DUSP15: variants seen among roughly 807,000 people sequenced by gnomAD.
DUSP15 encodes dual specificity phosphatase 15, also known as dual specificity protein phosphatase 15.
Under a neutral mutation model 26.3 loss-of-function variants are expected in DUSP15, and 23 were observed. The ratio of observed to expected loss-of-function variants is 0.87; its 90% CI spans 0.63 to 1.24. The LOEUF (loss-of-function observed/expected upper bound fraction) is 1.24. DUSP15 is among the 50% of genes most tolerant of loss of function. The pLI, the probability that DUSP15 is intolerant of heterozygous loss-of-function variation, is 0.00. For missense variants in DUSP15, 364 were observed against 320.6 expected (o/e 1.14, Z -1.03); for synonymous variants, 143 against 135.5 (o/e 1.06, Z -0.39).
rs113505727 is a variant in DUSP15 at position 31,861,380 on chromosome 20, G to A, written c.*23C>T. 17,502 of 1,519,934 alleles carry A rather than the reference G, an allele frequency of 0.012. 128 individuals carry two copies. Among genetic ancestry groups the A allele is most frequent in the Middle Eastern group, 0.037 (210 of 5,718 alleles). The allele number at this position is 1,519,934 out of a possible 1,614,324, so 94.2% of individuals were successfully genotyped here. A position where few individuals can be genotyped will look rare whatever the true frequency, so the allele number is the denominator to read the frequency against. ...CCCGAAGGGAGCCAGTCGGAAGTGG[G>A]GAGCCACGGCTGGACTGCATCCTCA... On this transcript the variant is annotated 3_prime_UTR_variant, in exon 7 of 7. Transcript: ENST00000339738.
downstream of DUSP15, among the ~76,000 whole-genome samples, chr20:31,846,175 C>G (rs28488224): frequency 7.0e-5 from 9 of 129,092 alleles, no homozygotes; most frequent in African/African-American, 2.7e-4. Flanking sequence ...AGCACACACA[C>G]ACATATACAC....
downstream of DUSP15, among the ~76,000 whole-genome samples, chr20:31,857,638 A>T (rs1263930700): frequency 5.9e-5 from 9 of 152,062 alleles, no homozygotes; most frequent in Non-Finnish European, 1.3e-4. Context: ...CTTTATCTCC[A>T]TTAGACCTTT....
At chr20:31,845,871 G>A (rs1404153903), downstream of DUSP15, among the ~76,000 whole-genome samples, 2 of 152,090 alleles carry the variant, frequency 1.3e-5, no homozygotes, top group East Asian at 1.9e-4. Flanking sequence ...GAAACTGAGC[G>A]GGACAGAGAC....
chr20:31,852,174 A>AT (rs1356676289), intron 6 of DUSP15, among the ~76,000 whole-genome samples: 1 of 151,834 alleles, frequency 6.6e-6, no homozygotes, highest in Non-Finnish European at 1.5e-5. Context: ...CTCCTGGCTA[A>AT]TTTTTTGTAT....
chr20:31,868,566 G>A (rs796585423), intron 2 of DUSP15, among the ~76,000 whole-genome samples: 3 of 131,586 alleles, frequency 2.3e-5, no homozygotes, highest in African/African-American at 5.7e-5. Flanking sequence ...TGCAACCCCC[G>A]CCTCCCGGGT....
chr20:31,846,121 CACACAG>C (rs1466240281), downstream of DUSP15, among the ~76,000 whole-genome samples: 573 of 128,418 alleles, frequency 4.5e-3, 6 homozygotes, highest in African/African-American at 0.017. Context: ...CACACAGAGA[CACACAG>C]ACACAGACAC....
chr20:31,846,741 G>A (rs916246804), downstream of DUSP15, among the ~76,000 whole-genome samples: 3 of 152,142 alleles, frequency 2.0e-5, no homozygotes, highest in South Asian at 6.2e-4. Context: ...CCTAGTGACT[G>A]GTGTGGGAAG....
At chr20:31,848,101 T>C (rs1172747049) in exon 10 of DUSP15, 2 of 383,452 alleles carry the variant, frequency 5.2e-6, no homozygotes, top group Non-Finnish European at 9.3e-6. Context: ...AGGCTGGCTC[T>C]GAGGAAAGCG....
intron 8 of DUSP15, among the ~76,000 whole-genome samples, chr20:31,849,083 A>G (rs1408795899): frequency 6.6e-6 from 1 of 151,886 alleles, no homozygotes; most frequent in African/African-American, 2.4e-5. Flanking sequence ...CATGTCCCAC[A>G]TCTGTGCCCA....
At position 31,861,420 on chromosome 20, in the gene DUSP15, G is replaced by A; in HGVS notation, c.691C>T (p.Arg231Cys). ...TFSCLPRCLSRKGGK is the reference protein window; with the variant it reads ...TFSCLPRCLSCKGGK ...CTGCATCCTCACTTGCCGCCCTTGC[G>A]GGACAGACACCGGGGGAGGCAAGAG... The change falls in exon 7 of 7, where the codon CGC becomes TGC. Residue 231 changes from arginine (R) to cysteine (C), a missense_variant. Transcript: ENST00000339738. 1.3e-6 allele frequency: 2 copies of A among 1,561,394 alleles called. No individual in the cohort carries two copies. Among genetic ancestry groups the A allele is most frequent in the East Asian group, 4.9e-5 (2 of 41,006 alleles).
At chr20:31,869,936 C>T (rs3746600) in intron 1 of DUSP15, 665,435 of 1,335,640 alleles carry the variant, frequency 0.5, 168,160 homozygotes, top group Non-Finnish European at 0.52. Flanking sequence ...GCTGGGGAGG[C>T]AGAAAGGCAA....
chr20:31,846,293 G>C (rs28568717), downstream of DUSP15, among the ~76,000 whole-genome samples: 21 of 141,106 alleles, frequency 1.5e-4, no homozygotes, highest in African/African-American at 2.1e-4. Flanking sequence ...CACAGACACA[G>C]ACACACACAC....
chr20:31,865,379 G>T (rs973217245), intron 3 of DUSP15, among the ~76,000 whole-genome samples: 2 of 152,134 alleles, frequency 1.3e-5, no homozygotes, highest in Admixed American at 6.5e-5. Context: ...TGATTATCTT[G>T]AAAAGAAACA....
Position 31,870,504 on chromosome 20 carries a change from C to T in DUSP15, c.-167G>A. 1 of 1,403,664 alleles carries T rather than the reference C, an allele frequency of 7.1e-7. No individual in the cohort carries two copies. 87.0% of individuals were successfully genotyped at this position (1,403,664 alleles called of 1,614,324 possible). A position where few individuals can be genotyped will look rare whatever the true frequency, so the allele number is the denominator to read the frequency against. On this transcript the variant is annotated 5_prime_UTR_variant, in exon 1 of 7. Transcript: ENST00000339738. This position sits in a 1 kb window ranked among gnomAD's most constrained non-coding sequence, Gnocchi z 6.6. ...CTGCCCAGCCACCGCCACCGCCCGC[C>T]GACCCCCGGCCCGGGAGGGAAATGG... is the stretch of plus-strand genomic sequence containing the variant.
intron 8 of DUSP15, chr20:31,849,675 C>A: frequency 6.5e-7 from 1 of 1,530,898 alleles, no homozygotes; most frequent in Non-Finnish European, 8.7e-7. Flanking sequence ...GCACACCGCG[C>A]TCCAGGTGAG....
At chr20:31,862,890 GC>G (rs2062691653) in intron 5 of DUSP15, 148 bp from the exon 6 acceptor site, 2 of 794,326 alleles carry the variant, frequency 2.5e-6, no homozygotes, top group Non-Finnish European at 3.8e-6. Context: ...CCACCTCCAG[GC>G]CTTTGCCATG....
At chr20:31,862,836 C>T in intron 5 of DUSP15, 94 bp from the exon 6 acceptor site, 2 of 1,318,358 alleles carry the variant, frequency 1.5e-6, no homozygotes, top group Non-Finnish European at 2.0e-6. Flanking sequence ...CCCACCCTTG[C>T]CTCCTGAGCT....
intron 8 of DUSP15, among the ~76,000 whole-genome samples, chr20:31,849,237 C>T (rs2062421195): frequency 6.6e-6 from 1 of 151,970 alleles, no homozygotes; most frequent in African/African-American, 2.4e-5. Flanking sequence ...ACACATGTAC[C>T]GAAGCCCTAT....
chr20:31,869,465 A>G (rs2062863323), intron 2 of DUSP15, 99 bp downstream of exon 2: 2 of 1,498,132 alleles, frequency 1.3e-6, no homozygotes, highest in Non-Finnish European at 1.8e-6. Context: ...CCTGCCCCCA[A>G]CCCCATTCCT....
Sources: gnomAD v4.1 joint callset for allele counts (sites outside exome capture counted in the v4.1 genomes callset) on GRCh38, gnomAD v4.1.1 for gene constraint, Gnocchi (gnomAD v3.1) non-coding constraint, MANE v1.5 for transcripts, NCBI Gene and HGNC (gene_info 2026-07-23, HGNC 2026-07-21) for gene names.